Variants in GPRASP2 observed in about 807,000 individuals in gnomAD.
GPRASP2 encodes the protein G protein-coupled receptor associated sorting protein 2, also known as G protein-coupled receptor-associated sorting protein 2.
Under a neutral mutation model 36.0 loss-of-function variants are expected in GPRASP2, and 10 were observed. That is an observed-to-expected ratio of 0.28 (90% CI 0.17 to 0.47). GPRASP2 has a LOEUF of 0.47. Ranked by LOEUF, GPRASP2 falls within the 20% of genes least tolerant of loss-of-function variation. The probability of loss-of-function intolerance (pLI) is 0.99; values close to 1 mark genes in which losing one functional copy is unlikely to be tolerated. For synonymous variants in GPRASP2, 219 were observed against 230.5 expected, an observed-to-expected ratio of 0.95 and a Z score of 0.45; for missense variants, 538 against 626.7, an observed-to-expected ratio of 0.86 and a Z score of 1.51.
chrX:102,714,813 G>T lies in GPRASP2; in HGVS notation c.-57G>T. ...GAAACAAACCTGTGACAGATCTGTG[G>T]TTGAGGTTTAGACTACGGGAGGAGT... On this transcript the variant is annotated 5_prime_UTR_variant, in exon 5 of 5. Transcript: ENST00000483720. 1 of 1,160,826 alleles carries T rather than the reference G, an allele frequency of 8.6e-7. No individual in the cohort carries two copies. Among genetic ancestry groups the T allele is most frequent in the Admixed American group, 2.7e-5 (1 of 37,033 alleles).
chrX:102,716,135 G>A lies in GPRASP2; in HGVS notation c.1266G>A (p.Ala422=), dbSNP rs751801676. The A allele has an allele frequency of 1.7e-5, 20 of 1,199,555 alleles. No individual in the cohort carries two copies. The Admixed American group carries it at 2.0e-4, about 12-fold the overall frequency. Residue 422 remains alanine (A), a synonymous_variant, in exon 5 of 5, where the codon GCG becomes GCA. Coordinates refer to ENST00000483720, the MANE Select transcript of GPRASP2 (RefSeq NM_001004051.4). ...AGGAGGGGGCCATTGGCGGATCCGC[G>A]TACTGGGCTGAGGAAAAGTCCAGTT... is the stretch of plus-strand genomic sequence containing the variant. ...GTEEGAIGGS[A]YWAEEKSSLG...
rs1257668190 is a variant in GPRASP2 at position 102,714,654 on chromosome X, A to G, written c.-216A>G. On this transcript the variant is annotated 5_prime_UTR_variant, in exon 5 of 5. Coordinates refer to ENST00000483720, the MANE Select transcript of GPRASP2 (RefSeq NM_001004051.4). Reference sequence around the variant, plus strand: ...CTTTAGCTTGGTTGTACCTGTTCTCACTCTATCTGTATTATTGAATTATTG... The same window carrying G: ...CTTTAGCTTGGTTGTACCTGTTCTCGCTCTATCTGTATTATTGAATTATTG... The G allele has an allele frequency of 3.6e-6, 2 of 554,129 alleles. No individual in the cohort carries two copies. The highest frequency in any genetic ancestry group is 5.5e-6 in the Non-Finnish European group (2 of 366,177). 45.7% of individuals were successfully genotyped at this position (554,129 alleles called of 1,213,427 possible).
chrX:102,713,305 A>T (rs2081905350), intron 2 of GPRASP2, 88 bp downstream of exon 2: 1 of 112,129 alleles, frequency 8.9e-6, no homozygotes, highest in South Asian at 3.7e-4. Flanking sequence ...TCAGGCATCC[A>T]GGAGCACCTC....
rs2081973307 is a variant in GPRASP2 at position 102,716,914 on chromosome X, T to C, written c.2045T>C (p.Val682Ala). 1 of 1,208,644 alleles carries C rather than the reference T, an allele frequency of 8.3e-7. No individual in the cohort carries two copies. Among genetic ancestry groups the C allele is most frequent in the African/African-American group, 1.7e-5 (1 of 57,720 alleles). Residue 682 changes from valine to alanine, a missense_variant, in exon 5 of 5, where the codon GTG becomes GCG. By Grantham distance (64) the Val-to-Ala change is moderately conservative. Around this residue, in one of 2 missense-constraint regions of GPRASP2, gnomAD observed 262 missense variants for 351.7 expected, o/e 0.74. Coordinates refer to ENST00000483720, the MANE Select transcript of GPRASP2 (RefSeq NM_001004051.4). ...ATGATTGAGACATTCATATGTCAAG[T>C]GTGTGAGGAAACCCTTGCACATAGT... ...LNMIETFICQ[V>A]CEETLAHSVD...
Position 102,715,633 on chromosome X carries a change from G to C in GPRASP2, c.764G>C (p.Arg255Thr). The C allele has an allele frequency of 2.5e-6, 3 of 1,211,707 alleles. No homozygotes were observed. Among genetic ancestry groups the C allele is most frequent in the Admixed American group, 2.2e-5 (1 of 46,003 alleles). ...RSWPREESNT[R>T]SRHRAKHQTN... ...TGGCCCAGGGAAGAGTCCAATACCAGGTCCAGGCACAGGGCTAAACATCAG... is the reference window on the plus strand; with the variant it reads ...TGGCCCAGGGAAGAGTCCAATACCACGTCCAGGCACAGGGCTAAACATCAG... Residue 255 changes from arginine (R) to threonine (T), a missense_variant, in exon 5 of 5, where the codon AGG (arginine) becomes ACG (threonine). Transcript: ENST00000483720.
rs2081979511 is a variant in GPRASP2, at chrX:102,717,332, A to G, written c.2463A>G (p.Gln821=). 1 of 1,091,979 alleles carries G rather than the reference A, an allele frequency of 9.2e-7. No individual in the cohort carries two copies. Among genetic ancestry groups the G allele is most frequent in the Admixed American group, 3.3e-5 (1 of 30,098 alleles). 90.0% of individuals were successfully genotyped at this position (1,091,979 alleles called of 1,213,427 possible). The part of the protein sequence containing the change: ...AFREFEELAK[Q]LQAQIDNQND... The stretch of plus-strand genomic sequence containing the variant: ...GTGAATTTGAGGAGTTAGCTAAGCA[A>G]CTACAAGCCCAAATAGACAACCAAA... The change falls in exon 5 of 5, where the codon CAA becomes CAG. Residue 821 remains glutamine (Q), a synonymous_variant. Transcript: ENST00000483720.
rs1308132091 is a variant in GPRASP2, at chrX:102,716,532, T to C, written c.1663T>C (p.Phe555Leu). The C allele has an allele frequency of 4.1e-6, 5 of 1,210,396 alleles. No homozygotes were observed. The highest frequency in any genetic ancestry group is 5.6e-6 in the Non-Finnish European group (5 of 895,394). The change falls in exon 5 of 5, where the codon TTT (phenylalanine) becomes CTT (leucine). Residue 555 changes from phenylalanine (F) to leucine (L), a missense_variant. Transcript: ENST00000483720. ...TGATCAGCCTAGTCCTGAGTTCACATTTCAGTATGATCCTTCCTACCGGTC... is the reference window on the plus strand; with the variant it reads ...TGATCAGCCTAGTCCTGAGTTCACACTTCAGTATGATCCTTCCTACCGGTC... The part of the protein sequence containing the change: ...QPDQPSPEFT[F>L]QYDPSYRSVR...
chrX:102,715,558 C>T lies in GPRASP2; in HGVS notation c.689C>T (p.Thr230Ile). 8.3e-7 allele frequency: 1 copy of T among 1,211,689 alleles called. No homozygotes were observed. Among genetic ancestry groups the T allele is most frequent in the Non-Finnish European group, 1.1e-6 (1 of 895,536 alleles). The part of the protein sequence containing the change: ...NESGFWSADE[T>I]STASSFWTGE... ...TCTGGGTTCTGGTCAGCAGATGAGA[C>T]CTCTACAGCGTCTTCTTTCTGGACT... Residue 230 changes from threonine to isoleucine, a missense_variant, in exon 5 of 5, where the codon ACC becomes ATC. Transcript: ENST00000483720.
chrX:102,715,082 G>C lies in GPRASP2; in HGVS notation c.213G>C (p.Gly71=). The C allele has an allele frequency of 8.2e-7, 1 of 1,212,477 alleles. No homozygotes were observed. The highest frequency in any genetic ancestry group is 3.0e-5 in the East Asian group (1 of 33,856). Residue 71 remains glycine (G), a synonymous_variant, in exon 5 of 5, where the codon GGG becomes GGC. Transcript: ENST00000483720. ...RPKTEAQAMS[G]ARPKTEVQVM... ...AAACTGAGGCCCAAGCAATGTCTGGGGCAAGGCCCAAAACTGAGGTCCAAG... is the reference window on the plus strand; with the variant it reads ...AAACTGAGGCCCAAGCAATGTCTGGCGCAAGGCCCAAAACTGAGGTCCAAG...
intron 4 of GPRASP2, 26 bp downstream of exon 4, chrX:102,714,292 T>G (rs1413177899): frequency 8.9e-6 from 1 of 112,727 alleles, no homozygotes; most frequent in Non-Finnish European, 1.9e-5. Flanking sequence ...GGTATACTTT[T>G]GGGCGGGGTA....
Position 102,717,458 on chromosome X carries a change from GTC to G in GPRASP2, c.*74_*75del. 2 of 996,255 alleles carry G rather than the reference GTC, an allele frequency of 2.0e-6. No individual in the cohort carries two copies. The highest frequency in any genetic ancestry group is 1.3e-6 in the Non-Finnish European group (1 of 779,388). 82.1% of individuals were successfully genotyped at this position (996,255 alleles called of 1,213,427 possible). On this transcript the variant is annotated 3_prime_UTR_variant, in exon 5 of 5. Transcript: ENST00000483720. Reference sequence around the variant, plus strand: ...CCTGAGTAGTGCTTTGGTGTTCACAGTCTGTTTTTTTGTTGTAACTTATATTT... The same window carrying G: ...CCTGAGTAGTGCTTTGGTGTTCACAGTGTTTTTTTGTTGTAACTTATATTT...
chrX:102,716,135 G>T lies in GPRASP2; in HGVS notation c.1266G>T (p.Ala422=). ...AGGAGGGGGCCATTGGCGGATCCGC[G>T]TACTGGGCTGAGGAAAAGTCCAGTT... ...GTEEGAIGGS[A]YWAEEKSSLG... The change falls in exon 5 of 5, where the codon GCG becomes GCT. Residue 422 remains alanine, a synonymous_variant. Transcript: ENST00000483720. 1 of 1,199,555 alleles carries T rather than the reference G, an allele frequency of 8.3e-7. No individual in the cohort carries two copies. Among genetic ancestry groups the T allele is most frequent in the East Asian group, 3.0e-5 (1 of 33,667 alleles).
Position 102,713,486 on chromosome X carries a change from C to G in GPRASP2, c.-480+269C>G, listed in dbSNP as rs181200976. Among the ~76,000 whole-genome samples the G allele has an allele frequency of 4.4e-5, 5 of 113,211 alleles. No homozygotes were observed. The South Asian group carries it at 1.8e-3, about 41-fold the overall frequency. On this transcript the variant is annotated intron_variant, in intron 2 of 4. Coordinates refer to ENST00000483720, the MANE Select transcript of GPRASP2 (RefSeq NM_001004051.4). Reference sequence around the variant, plus strand: ...GTTTTCTAGAATATGCGGCGCCCTTCCCCCATTTTATGCTGCGCAGAGCAA... The same window carrying G: ...GTTTTCTAGAATATGCGGCGCCCTTGCCCCATTTTATGCTGCGCAGAGCAA...
In GPRASP2 at chrX:102,717,042, T is replaced by C. The variant is rs1298563075; in HGVS notation, c.2173T>C (p.Ser725Pro). Reference protein sequence around the residue: ...LIANYMSGFLSLLTTANARTK... With the variant: ...LIANYMSGFLPLLTTANARTK... Reference sequence around the variant, plus strand: ...TGCCAACTATATGTCCGGGTTTCTCTCCTTATTAACCACAGCCAATGCGAG... The same window carrying C: ...TGCCAACTATATGTCCGGGTTTCTCCCCTTATTAACCACAGCCAATGCGAG... Residue 725 changes from serine to proline, a missense_variant, in exon 5 of 5, where the codon TCC becomes CCC. Coordinates refer to ENST00000483720, the MANE Select transcript of GPRASP2 (RefSeq NM_001004051.4). 48 of 1,199,594 alleles carry C rather than the reference T, an allele frequency of 4.0e-5. No homozygotes were observed. Among genetic ancestry groups the C allele is most frequent in the Non-Finnish European group, 5.1e-5 (45 of 887,174 alleles).
Position 102,716,205 on chromosome X carries a change from G to A in GPRASP2, c.1336G>A (p.Glu446Lys). The A allele has an allele frequency of 1.7e-6, 2 of 1,211,480 alleles. No individual in the cohort carries two copies. Among genetic ancestry groups the A allele is most frequent in the Non-Finnish European group, 2.2e-6 (2 of 895,482 alleles). Residue 446 changes from glutamate to lysine, a missense_variant, in exon 5 of 5, where the codon GAG becomes AAG. Glu to Lys is a moderately conservative substitution (Grantham distance 56). Transcript: ENST00000483720. The part of the protein sequence containing the change: ...REEAKPESEE[E>K]AIFGSWFWDR... ...AGAGGCCAAGCCGGAGTCTGAAGAA[G>A]AGGCCATATTTGGGTCCTGGTTCTG...
rs752762058 is a variant in GPRASP2 at position 102,717,033 on chromosome X, G to A, written c.2164G>A (p.Gly722Arg). 17 of 1,198,123 alleles carry A rather than the reference G, an allele frequency of 1.4e-5. No individual in the cohort carries two copies. The highest frequency in any genetic ancestry group is 1.8e-5 in the South Asian group (1 of 55,876). Reference protein sequence around the residue: ...YHTLIANYMSGFLSLLTTANA... With the variant: ...YHTLIANYMSRFLSLLTTANA... ...CACACTGATTGCCAACTATATGTCC[G>A]GGTTTCTCTCCTTATTAACCACAGC... Residue 722 changes from glycine (G) to arginine (R), a missense_variant, in exon 5 of 5, where the codon GGG becomes AGG. This residue lies in a region of GPRASP2 where 262 missense variants were observed against 351.7 expected (regional missense o/e 0.74). Coordinates refer to ENST00000483720, the MANE Select transcript of GPRASP2 (RefSeq NM_001004051.4).
At chrX:102,713,003 G>A (rs1206912403) in intron 1 of GPRASP2, 127 bp from the exon 2 acceptor site, 2 of 112,300 alleles carry the variant, frequency 1.8e-5, no homozygotes, top group Non-Finnish European at 3.8e-5. Context: ...CCAGTCCGCC[G>A]GAGGTGAGCC....
At position 102,716,683 on chromosome X, in the gene GPRASP2, T is replaced by C. The variant is rs372332241; in HGVS notation, c.1814T>C (p.Met605Thr). ...GAGTTTGAAGAATTCCTTTTATTAATGGACAAAATTCGGGATCCTTTTATT... is the reference window on the plus strand; with the variant it reads ...GAGTTTGAAGAATTCCTTTTATTAACGGACAAAATTCGGGATCCTTTTATT... ...SEEFEEFLLLMDKIRDPFIHE... is the reference protein window; with the variant it reads ...SEEFEEFLLLTDKIRDPFIHE... Residue 605 changes from methionine (M) to threonine (T), a missense_variant, in exon 5 of 5, where the codon ATG (methionine) becomes ACG (threonine). Physicochemically the swap from Met to Thr is moderately conservative, Grantham distance 81. Coordinates refer to ENST00000483720, the MANE Select transcript of GPRASP2 (RefSeq NM_001004051.4). 5 of 1,210,639 alleles carry C rather than the reference T, an allele frequency of 4.1e-6. No homozygotes were observed. In the South Asian group the frequency reaches 5.3e-5, roughly 13 times the overall value.
chrX:102,715,418 T>C lies in GPRASP2; in HGVS notation c.549T>C (p.Phe183=). 8.2e-7 allele frequency: 1 copy of C among 1,212,233 alleles called. No homozygotes were observed. Among genetic ancestry groups the C allele is most frequent in the Non-Finnish European group, 1.1e-6 (1 of 895,636 alleles). The part of the protein sequence containing the change: ...RELVNVDAET[F]PGTQGQKGIQ... ...TAGTCAATGTGGATGCTGAAACCTT[T>C]CCTGGCACCCAGGGTCAGAAAGGAA... The change falls in exon 5 of 5, where the codon TTT becomes TTC. Residue 183 remains phenylalanine (F), a synonymous_variant. Transcript: ENST00000483720.
Sources: gnomAD v4.1 joint callset for allele counts (sites outside exome capture counted in the v4.1 genomes callset) on GRCh38, gnomAD v4.1.1 for gene constraint, gnomAD v4.1.1 regional missense constraint, MANE v1.5 for transcripts, NCBI Gene and HGNC (gene_info 2026-07-23, HGNC 2026-07-21) for gene names.